The following FABP12 variants were observed in gnomAD, a reference collection of about 807,000 sequenced individuals.
FABP12 encodes the protein fatty acid-binding protein 12.
In FABP12, 19 loss-of-function variants were observed where a neutral mutation model predicts 13.7. That is an observed-to-expected ratio of 1.39 (90% confidence interval 0.97 to 2.04). FABP12 has a LOEUF of 2.04. FABP12 is among the 30% of genes most tolerant of loss of function. FABP12 has a pLI of 0.00. For missense variants in FABP12, 182 were observed against 164.2 expected, an observed-to-expected ratio of 1.11 and a Z score of -0.59; for synonymous variants, 61 against 57.0, an observed-to-expected ratio of 1.07 and a Z score of -0.32.
chr8:81,589,104 A>C (rs1585863469), intron 1 of FABP12, among the ~76,000 whole-genome samples: 2 of 152,156 alleles, frequency 1.3e-5, no homozygotes, highest in East Asian at 3.9e-4. Context: ...ACTAGAGGAG[A>C]GAAAAGGGAA....
chr8:81,571,846 T>C (rs567643724), intron 1 of FABP12, among the ~76,000 whole-genome samples: 1 of 152,364 alleles, frequency 6.6e-6, no homozygotes, highest in East Asian at 1.9e-4. Flanking sequence ...ATAACCCAAA[T>C]TGAAACTTGA....
intron 4 of FABP12, 46 bp from the exon 5 acceptor site, chr8:81,525,166 AT>A (rs1808860414): frequency 1.6e-6 from 2 of 1,277,478 alleles, no homozygotes; most frequent in Non-Finnish European, 2.2e-6. Flanking sequence ...AGTTAGTGAA[AT>A]TAACATTTAG....
chr8:81,573,394 A>T (rs1392789949), intron 1 of FABP12, among the ~76,000 whole-genome samples: 4 of 151,976 alleles, frequency 2.6e-5, no homozygotes, highest in African/African-American at 9.6e-5. Context: ...ATGCCTCCAG[A>T]TTTGTTATTT....
At chr8:81,577,676 G>A (rs113190290) in intron 1 of FABP12, among the ~76,000 whole-genome samples, 29 of 152,258 alleles carry the variant, frequency 1.9e-4, no homozygotes, top group African/African-American at 5.8e-4. Context: ...TAGGAGAATC[G>A]CTTGAACCCG....
chr8:81,562,026 C>A (rs1809731725), intron 1 of FABP12, among the ~76,000 whole-genome samples: 1 of 152,108 alleles, frequency 6.6e-6, no homozygotes, highest in Non-Finnish European at 1.5e-5. Flanking sequence ...GCTCCCAGCC[C>A]CAAAAGGGAT....
chr8:81,543,979 G>A (rs1466388680), intron 1 of FABP12, among the ~76,000 whole-genome samples: 1 of 152,138 alleles, frequency 6.6e-6, no homozygotes, highest in African/African-American at 2.4e-5. Context: ...TGTCTAACAG[G>A]AAGTTGACTA....
At position 81,531,264 on chromosome 8, in the gene FABP12, C is replaced by T. The variant is rs374133627; in HGVS notation, c.52G>A (p.Glu18Lys). The change falls in exon 2 of 5, where the codon GAA (glutamate) becomes AAA (lysine). Residue 18 changes from glutamate to lysine, a missense_variant. Glu to Lys is a moderately conservative substitution (Grantham distance 56). Transcript: ENST00000360464. ...TCACCCAGCTCCTTCATGTAGTCTT[C>T]GGAATTTTCACAAGAAATGGACTTC... 112 of 1,606,764 alleles carry T rather than the reference C, an allele frequency of 7.0e-5. No individual in the cohort carries two copies. The highest frequency in any genetic ancestry group is 2.9e-4 in the African/African-American group (22 of 74,864).
At chr8:81,583,087 C>T (rs1221028399) in intron 1 of FABP12, among the ~76,000 whole-genome samples, 1 of 152,050 alleles carries the variant, frequency 6.6e-6, no homozygotes, top group Non-Finnish European at 1.5e-5. Flanking sequence ...AATTAAACAA[C>T]AGACTCTTGA....
chr8:81,543,298 A>G (rs541961284), intron 1 of FABP12, among the ~76,000 whole-genome samples: 32 of 152,328 alleles, frequency 2.1e-4, no homozygotes, highest in African/African-American at 7.0e-4. Context: ...CATTCCAGAA[A>G]CAATTGCATA....
intron 1 of FABP12, among the ~76,000 whole-genome samples, chr8:81,586,367 G>A (rs981305312): frequency 6.6e-6 from 1 of 152,156 alleles, no homozygotes; most frequent in African/African-American, 2.4e-5. Flanking sequence ...CCAGTTATGG[G>A]ATTGCTGAGT....
chr8:81,577,407 T>C (rs1451551774), intron 1 of FABP12, among the ~76,000 whole-genome samples: 13 of 152,258 alleles, frequency 8.5e-5, no homozygotes, highest in African/African-American at 3.1e-4. Flanking sequence ...AAGAATATTA[T>C]GTTTCTTGGC....
At chr8:81,540,285 C>A (rs536995939) in intron 1 of FABP12, among the ~76,000 whole-genome samples, 1 of 152,290 alleles carries the variant, frequency 6.6e-6, no homozygotes, top group East Asian at 1.9e-4. Context: ...AATATGAGAA[C>A]CATTGACCAC....
chr8:81,572,710 G>A (rs941406183), intron 1 of FABP12, among the ~76,000 whole-genome samples: 1 of 152,138 alleles, frequency 6.6e-6, no homozygotes, highest in Non-Finnish European at 1.5e-5. Context: ...TAGTGATGTT[G>A]AGCGTTTTTT....
chr8:81,584,617 A>C (rs1810216443), intron 1 of FABP12, among the ~76,000 whole-genome samples: 1 of 152,258 alleles, frequency 6.6e-6, no homozygotes, highest in Non-Finnish European at 1.5e-5. Flanking sequence ...GCTGCTGCAG[A>C]TATCTCTTTG....
chr8:81,579,801 T>C (rs1044127099), intron 1 of FABP12, among the ~76,000 whole-genome samples: 11 of 152,244 alleles, frequency 7.2e-5, no homozygotes, highest in Non-Finnish European at 1.6e-4. Context: ...GGTTTAACCA[T>C]ATTTCTTTCA....
intron 1 of FABP12, among the ~76,000 whole-genome samples, chr8:81,554,238 G>A (rs758825179): frequency 9.9e-5 from 15 of 152,070 alleles, no homozygotes; most frequent in East Asian, 9.6e-4. Flanking sequence ...AAACAATACC[G>A]TCTGTATTTT....
upstream of FABP12, among the ~76,000 whole-genome samples, chr8:81,538,199 G>A (rs904449135): frequency 5.3e-5 from 8 of 152,262 alleles, no homozygotes; most frequent in East Asian, 1.5e-3. Context: ...GCAGCACCAA[G>A]CCATTCATGG....
intron 1 of FABP12, among the ~76,000 whole-genome samples, chr8:81,573,612 G>A (rs192153559): frequency 6.6e-5 from 10 of 152,112 alleles, no homozygotes; most frequent in Middle Eastern, 6.8e-3. Context: ...TGTTTGTGTC[G>A]GCTATGATTT....
Position 81,548,584 on chromosome 8 carries a change from A to G in FABP12, c.-184-8841T>C, listed in dbSNP as rs150633968. On this transcript the variant is annotated intron_variant, in intron 1 of 5. Transcript: ENST00000692030. ...TCAGACTTTGGTATGTATCAGAATC[A>G]TTTATGAAACTTGGTAAAATGCAGA... is the stretch of plus-strand genomic sequence containing the variant. Among the ~76,000 whole-genome samples, 31 of 152,314 alleles carry G rather than the reference A, an allele frequency of 2.0e-4. No individual in the cohort carries two copies. In the East Asian group the frequency reaches 5.8e-3, roughly 28 times the overall value.
Sources: gnomAD v4.1 joint callset for allele counts (sites outside exome capture counted in the v4.1 genomes callset) on GRCh38, gnomAD v4.1.1 for gene constraint, MANE v1.5 for transcripts, NCBI Gene and HGNC (gene_info 2026-07-23, HGNC 2026-07-21) for gene names.